The following EIF3A variants were observed in gnomAD, a reference collection of about 807,000 sequenced individuals.
EIF3A encodes the protein eukaryotic translation initiation factor 3 subunit A.
Under a neutral mutation model 186.6 loss-of-function variants are expected in EIF3A, and 21 were observed. The ratio of observed to expected loss-of-function variants is 0.11; its 90% CI spans 0.08 to 0.16. EIF3A has a LOEUF of 0.16. Among genes scored for constraint, EIF3A ranks in the 10% least tolerant of loss-of-function variants. The pLI is 1.00. For missense variants in EIF3A, 1,306 were observed against 1,796.3 expected, an observed-to-expected ratio of 0.73 and a Z score of 4.93; for synonymous variants, 563 against 584.3, an observed-to-expected ratio of 0.96 and a Z score of 0.52.
Position 119,038,417 on chromosome 10 carries a change from T to C in EIF3A, c.3549A>G (p.Lys1183=). Reference sequence around the variant, plus strand: ...GTGGACCCCAGCTCTCCTCTCTGGCTTTTTCTTTCTCTCTCCATCCACCTG... The same window carrying C: ...GTGGACCCCAGCTCTCCTCTCTGGCCTTTTCTTTCTCTCTCCATCCACCTG... ...VKPGGWREKE[K]AREESWGPPR... is the part of the protein sequence containing the mutation. Residue 1183 remains lysine (K), a synonymous_variant, in exon 20 of 22, where the codon AAA becomes AAG. Transcript: ENST00000369144. The C allele has an allele frequency of 6.2e-7, 1 of 1,613,678 alleles. No individual in the cohort carries two copies. Among genetic ancestry groups the C allele is most frequent in the Non-Finnish European group, 8.5e-7 (1 of 1,179,910 alleles).
Position 119,049,844 on chromosome 10 carries a change from C to T in EIF3A, c.2615G>A (p.Arg872Lys). The T allele has an allele frequency of 2.5e-6, 4 of 1,614,212 alleles. No individual in the cohort carries two copies. The highest frequency in any genetic ancestry group is 3.4e-6 in the Non-Finnish European group (4 of 1,180,016). Residue 872 changes from arginine (R) to lysine (K), a missense_variant, in exon 17 of 22, where the codon AGA (arginine) becomes AAA (lysine). Physicochemically the swap from Arg to Lys is conservative, Grantham distance 26. This residue lies in a region of EIF3A where 410 missense variants were observed against 473.5 expected (regional missense o/e 0.87). Coordinates refer to ENST00000369144, the MANE Select transcript of EIF3A (RefSeq NM_003750.4). ...ELEIEERERR[R>K]EEERRLGDSS... ...ATCGCCAAGTCTTCTCTCTTCCTCT[C>T]TACGCCGTTCTCGTTCTTCAATTTC...
intron 6 of EIF3A, among the ~76,000 whole-genome samples, chr10:119,066,713 C>T (rs1023669897): frequency 6.6e-6 from 1 of 152,102 alleles, no homozygotes; most frequent in African/African-American, 2.4e-5. Context: ...AGACTGCGAG[C>T]CCTGGAGCTG....
Position 119,070,931 on chromosome 10 carries a change from G to C in EIF3A, c.696C>G (p.Thr232=), listed in dbSNP as rs777296708. 6.2e-7 allele frequency: 1 copy of C among 1,613,984 alleles called. No individual in the cohort carries two copies. The highest frequency in any genetic ancestry group is 8.5e-7 in the Non-Finnish European group (1 of 1,179,870). Residue 232 remains threonine, a synonymous_variant, in exon 5 of 22, where the codon ACC becomes ACG. Transcript: ENST00000369144. The stretch of plus-strand genomic sequence containing the variant: ...TAGCACTGTCCAGCTGAACAAGTCT[G>C]GTTTCCAAATGCATGGACTGGCTCT... The part of the protein sequence containing the change: ...NPESQSMHLE[T]RLVQLDSAIS...
chr10:119,050,766 A>G lies in EIF3A; in HGVS notation c.2320-92T>C. The stretch of plus-strand genomic sequence containing the variant: ...GCTATTAGGTTTACAAAAGACTCTC[A>G]AGTGTATCAGAATCATCGAAAGCAA... On this transcript the variant is annotated intron_variant, in intron 15 of 21. Transcript: ENST00000369144. 2.9e-6 allele frequency: 4 copies of G among 1,392,276 alleles called. No individual in the cohort carries two copies. The South Asian group carries it at 4.9e-5, about 17-fold the overall frequency. 86.2% of individuals were successfully genotyped at this position (1,392,276 alleles called of 1,614,324 possible).
intron 1 of EIF3A, among the ~76,000 whole-genome samples, chr10:119,077,173 T>C (rs573745927): frequency 7.4e-4 from 113 of 152,168 alleles, no homozygotes; most frequent in African/African-American, 2.4e-3. Flanking sequence ...CAATTAGAAG[T>C]TGATTCCTTA....
At chr10:119,059,782 T>C (rs1423876102) in intron 9 of EIF3A, 64 bp from the exon 10 acceptor site, 1 of 1,034,928 alleles carries the variant, frequency 9.7e-7, no homozygotes, top group Non-Finnish European at 1.5e-6. Context: ...TTATGTGCAA[T>C]CTCATGACAG....
chr10:119,042,181 C>T lies in EIF3A; in HGVS notation c.3339G>A (p.Leu1113=), dbSNP rs1421850702. 6.2e-7 allele frequency: 1 copy of T among 1,613,812 alleles called. No individual in the cohort carries two copies. The highest frequency in any genetic ancestry group is 1.1e-5 in the South Asian group (1 of 91,058). Residue 1113 remains leucine (L), a synonymous_variant, in exon 19 of 22, where the codon TTG becomes TTA. Transcript: ENST00000369144. The surrounding 1 kb of genome is among the most constrained non-coding windows in gnomAD (Gnocchi z 7.8). ...MDDDRGPRRG[L]DDDRGPWRNA... ...TCCTCCAAGGTCCTCGATCATCATC[C>T]AACCCTCGCCTGGGACCCCGGTCAT...
In EIF3A at chr10:119,065,922, C is replaced by T. The variant is rs966751596; in HGVS notation, c.951-352G>A. Reference sequence around the variant, plus strand: ...ACGACGTCAAGAGATCGAGACCATCCTGGCTAACACGGTGAAACCCCATCT... The same window carrying T: ...ACGACGTCAAGAGATCGAGACCATCTTGGCTAACACGGTGAAACCCCATCT... On this transcript the variant is annotated intron_variant, in intron 6 of 21. Coordinates refer to ENST00000369144, the MANE Select transcript of EIF3A (RefSeq NM_003750.4). 4.6e-5 allele frequency among the ~76,000 whole-genome samples: 7 copies of T among 151,272 alleles called. No homozygotes were observed. The East Asian group carries it at 7.9e-4, about 17-fold the overall frequency.
intron 1 of EIF3A, among the ~76,000 whole-genome samples, chr10:119,077,504 G>T (rs184184810): frequency 1.2e-4 from 19 of 152,070 alleles, no homozygotes; most frequent in South Asian, 2.1e-4. Flanking sequence ...ATCCATGACA[G>T]TGAGTCTTCT....
intron 1 of EIF3A, among the ~76,000 whole-genome samples, chr10:119,078,698 C>T (rs112654257): frequency 0.013 from 2,017 of 152,252 alleles, 42 homozygotes; most frequent in African/African-American, 0.044. Flanking sequence ...ACAAACAAAA[C>T]TCAAGTTTCC....
intron 7 of EIF3A, among the ~76,000 whole-genome samples, chr10:119,065,160 C>T (rs1196612422): frequency 6.6e-6 from 1 of 152,160 alleles, no homozygotes; most frequent in Non-Finnish European, 1.5e-5. Context: ...AACTGGCCCA[C>T]GGTATTCCCC....
chr10:119,052,666 C>T (rs950593467), intron 14 of EIF3A, among the ~76,000 whole-genome samples: 1 of 152,080 alleles, frequency 6.6e-6, no homozygotes, highest in African/African-American at 2.4e-5. Context: ...GTGAGCCACC[C>T]CACCCAGCCT....
intron 16 of EIF3A, 83 bp from the exon 17 acceptor site, chr10:119,050,068 A>C: frequency 7.7e-7 from 1 of 1,291,582 alleles, no homozygotes; most frequent in Admixed American, 2.1e-5. Flanking sequence ...GGTATTAAAC[A>C]GGTAGCATAA....
At position 119,064,671 on chromosome 10, in the gene EIF3A, C is replaced by T. The variant is rs565399488; in HGVS notation, c.1122+728G>A. Among the ~76,000 whole-genome samples the T allele has an allele frequency of 2.0e-5, 3 of 152,210 alleles. No homozygotes were observed. The South Asian group carries it at 6.2e-4, about 32-fold the overall frequency. ...CTGTGGAACCATGAGCCAATTAAAC[C>T]TCTTTTCTTTATAAATTACCCAGTG... On this transcript the variant is annotated intron_variant, in intron 7 of 21. Transcript: ENST00000369144.
chr10:119,045,529 G>A (rs1181390584), intron 17 of EIF3A, among the ~76,000 whole-genome samples: 1 of 152,188 alleles, frequency 6.6e-6, no homozygotes, highest in African/African-American at 2.4e-5. Context: ...CCCCATGCCT[G>A]CTTTGCAATT....
At chr10:119,058,944 T>C (rs1216545216) in intron 11 of EIF3A, among the ~76,000 whole-genome samples, 1 of 152,192 alleles carries the variant, frequency 6.6e-6, no homozygotes, top group Non-Finnish European at 1.5e-5. Flanking sequence ...ATTTCACTAT[T>C]TGAGGAATCC....
intron 19 of EIF3A, 62 bp from the exon 20 acceptor site, chr10:119,038,501 A>G: frequency 1.5e-6 from 2 of 1,354,506 alleles, no homozygotes; most frequent in Non-Finnish European, 2.1e-6. Flanking sequence ...CAGATTGGCA[A>G]TCATGAATAG....
intron 19 of EIF3A, among the ~76,000 whole-genome samples, chr10:119,038,648 G>T (rs1848168347): frequency 6.6e-6 from 1 of 152,164 alleles, no homozygotes; most frequent in Admixed American, 6.5e-5. Flanking sequence ...AATGGGCCGG[G>T]CATGGTGGCT....
At chr10:119,080,261 C>G in intron 1 of EIF3A, 1 of 968,124 alleles carries the variant, frequency 1.0e-6, no homozygotes, top group Non-Finnish European at 1.2e-6. Context: ...CGGCCGGGGA[C>G]GCGGGCCCTA....
Sources: allele counts gnomAD v4.1 joint callset (sites outside exome capture counted in the v4.1 genomes callset), GRCh38; gene constraint gnomAD v4.1.1; regional missense constraint gnomAD v4.1.1; non-coding constraint Gnocchi (gnomAD v3.1); transcripts MANE v1.5; gene names NCBI Gene and HGNC (gene_info 2026-07-23, HGNC 2026-07-21).